DACH2: variants seen among roughly 807,000 people sequenced by gnomAD.
The protein encoded by DACH2 is dachshund homolog 2.
Under a neutral mutation model 35.8 loss-of-function variants are expected in DACH2, and 17 were observed. The ratio of observed to expected loss-of-function variants is 0.48; its 90% confidence interval spans 0.33 to 0.71. The LOEUF (loss-of-function observed/expected upper bound fraction) is 0.71. Ranked by LOEUF, DACH2 falls within the 30% of genes least tolerant of loss-of-function variation. DACH2 has a pLI of 0.02. For missense variants in DACH2, 469 were observed against 472.7 expected, an observed-to-expected ratio of 0.99 and a Z score of 0.07; for synonymous variants, 195 against 177.3, an observed-to-expected ratio of 1.10 and a Z score of -0.79.
rs1166141890 is a variant in DACH2 at position 86,293,520 on chromosome X, G to A, written c.489-83304G>A. 3.0e-4 allele frequency among the ~76,000 whole-genome samples: 33 copies of A among 109,818 alleles called. No individual in the cohort carries two copies. In the South Asian group the frequency reaches 0.012, roughly 41 times the overall value. ...GTTGATGCAGTTTCTTCCTAGTCTC[G>A]ATGGTCTTTACATTTTGGCATGATT... On this transcript the variant is annotated intron_variant, in intron 1 of 11. Transcript: ENST00000373125.
chrX:86,713,298 T>C (rs953498148), intron 5 of DACH2, among the ~76,000 whole-genome samples: 1 of 111,424 alleles, frequency 9.0e-6, no homozygotes, highest in African/African-American at 3.3e-5. Context: ...TAAAAATATA[T>C]GTGTTTTGAG....
intron 2 of DACH2, among the ~76,000 whole-genome samples, chrX:86,451,798 G>T (rs1405893710): frequency 9.0e-6 from 1 of 110,580 alleles, no homozygotes; most frequent in Non-Finnish European, 1.9e-5. Context: ...TGCATACAAA[G>T]ATAATTTAGT....
At chrX:86,452,355 G>A (rs181776792) in intron 2 of DACH2, among the ~76,000 whole-genome samples, 2 of 111,614 alleles carry the variant, frequency 1.8e-5, no homozygotes, top group African/African-American at 6.5e-5. Flanking sequence ...AGTTAGGGAG[G>A]AGTCCTTCGT....
chrX:86,413,104 C>G (rs2148146824), intron 2 of DACH2, among the ~76,000 whole-genome samples: 1 of 111,451 alleles, frequency 9.0e-6, no homozygotes, highest in Non-Finnish European at 1.9e-5. Flanking sequence ...TAGAAGTTCC[C>G]TAAATTTTAG....
At chrX:86,167,770 G>T (rs1157220856) in intron 1 of DACH2, among the ~76,000 whole-genome samples, 7 of 110,987 alleles carry the variant, frequency 6.3e-5, no homozygotes, top group African/African-American at 2.3e-4. Flanking sequence ...TACAATTTTA[G>T]TTTGCTTCTT....
chrX:86,211,366 A>G (rs1186330847), intron 1 of DACH2, among the ~76,000 whole-genome samples: 1 of 111,161 alleles, frequency 9.0e-6, no homozygotes, highest in Non-Finnish European at 1.9e-5. Flanking sequence ...GTGACTAGAT[A>G]TTGGTATCTA....
chrX:86,710,934 C>T (rs1227939300), intron 5 of DACH2, among the ~76,000 whole-genome samples: 1 of 111,785 alleles, frequency 8.9e-6, no homozygotes, highest in East Asian at 2.8e-4. Context: ...CAAAATATTA[C>T]AGAAGTCAAC....
intron 1 of DACH2, among the ~76,000 whole-genome samples, chrX:86,333,655 T>C (rs1233896656): frequency 8.9e-6 from 1 of 111,970 alleles, no homozygotes; most frequent in Admixed American, 9.5e-5. Context: ...ACAATAGATA[T>C]TTGAGGGAAA....
chrX:86,393,239 T>A (rs73631927), intron 2 of DACH2, among the ~76,000 whole-genome samples: 1,231 of 111,246 alleles, frequency 0.011, 18 homozygotes, highest in African/African-American at 0.038. Flanking sequence ...ACATATGCTG[T>A]CTCTCTACCT....
chrX:86,326,190 T>C (rs1042003096), intron 1 of DACH2, among the ~76,000 whole-genome samples: 5 of 110,822 alleles, frequency 4.5e-5, no homozygotes, highest in Admixed American at 9.7e-5. Flanking sequence ...AAAATATCTG[T>C]ATCCGGCTGG....
intron 4 of DACH2, among the ~76,000 whole-genome samples, chrX:86,680,342 T>A (rs751897336): frequency 9.8e-5 from 11 of 112,122 alleles, no homozygotes; most frequent in Non-Finnish European, 2.1e-4. Flanking sequence ...GTGCAGGTAG[T>A]GAAAACTGCA....
chrX:86,439,665 G>A (rs1023702283), intron 2 of DACH2, among the ~76,000 whole-genome samples: 2 of 110,565 alleles, frequency 1.8e-5, no homozygotes, highest in Admixed American at 1.9e-4. Context: ...TGCTCAGTTT[G>A]GATTTAATTT....
At chrX:86,321,970 A>G (rs2035023905) in intron 1 of DACH2, among the ~76,000 whole-genome samples, 1 of 110,159 alleles carries the variant, frequency 9.1e-6, no homozygotes. Context: ...AGCTTTGGAG[A>G]TGGTGGAGCT....
intron 2 of DACH2, among the ~76,000 whole-genome samples, chrX:86,444,508 A>T (rs2037226001): frequency 9.0e-6 from 1 of 111,664 alleles, no homozygotes; most frequent in African/African-American, 3.3e-5. Flanking sequence ...GTTTGTTGAA[A>T]TTTTTTGTTA....
At chrX:86,776,183 C>T (rs1334576862) in intron 7 of DACH2, among the ~76,000 whole-genome samples, 3 of 111,685 alleles carry the variant, frequency 2.7e-5, no homozygotes, top group African/African-American at 6.5e-5. Flanking sequence ...ATACCATAAA[C>T]GGAGTGACTT....
chrX:86,556,787 TATATATATAGAGAGAGAG>T (rs1434268385), intron 3 of DACH2, among the ~76,000 whole-genome samples: 18 of 40,193 alleles, frequency 4.5e-4, no homozygotes, highest in African/African-American at 1.8e-3. Flanking sequence ...TATATATATA[TATATATATAGAGAGAGAG>T]AGAGAGAGAG....
At chrX:86,755,623 A>T (rs77889048) in intron 7 of DACH2, among the ~76,000 whole-genome samples, 1 of 91,597 alleles carries the variant, frequency 1.1e-5, no homozygotes, top group South Asian at 5.6e-4. Flanking sequence ...TTTGATACAG[A>T]GTCTCACTCT....
chrX:86,664,370 AG>A (rs1267532129), intron 4 of DACH2, among the ~76,000 whole-genome samples: 1 of 111,324 alleles, frequency 9.0e-6, no homozygotes, highest in Non-Finnish European at 1.9e-5. Context: ...GGGAGGGTAA[AG>A]GTGGTGTTGG....
At chrX:86,296,189 C>A (rs1400517136) in intron 1 of DACH2, among the ~76,000 whole-genome samples, 1 of 105,590 alleles carries the variant, frequency 9.5e-6, no homozygotes, top group Non-Finnish European at 1.9e-5. Context: ...ACCATCCTGG[C>A]TAACACGGTG....
Sources: allele counts gnomAD v4.1 joint callset (sites outside exome capture counted in the v4.1 genomes callset), GRCh38; gene constraint gnomAD v4.1.1; transcripts MANE v1.5; gene names NCBI Gene and HGNC (gene_info 2026-07-23, HGNC 2026-07-21).